Variants in STK33 observed in about 807,000 individuals in gnomAD.
The protein encoded by STK33 is serine/threonine-protein kinase 33.
A neutral mutation model predicts 58.0 loss-of-function variants in STK33; 52 were observed. That is an observed-to-expected ratio of 0.90 (90% confidence interval 0.72 to 1.13). STK33 has a LOEUF of 1.13. Among genes scored for constraint, STK33 ranks in the 50% most tolerant of loss-of-function variants. The pLI is 0.00. For synonymous variants in STK33, 215 were observed against 200.1 expected (o/e 1.07, Z -0.63); for missense variants, 630 against 604.2 (o/e 1.04, Z -0.45).
intron 15 of STK33, 145 bp from the exon 16 acceptor site, chr11:8,392,855 A>G (rs1249449455): frequency 1.4e-6 from 1 of 719,032 alleles, no homozygotes; most frequent in East Asian, 2.7e-5. Flanking sequence ...TTGTAAAATT[A>G]TTATTAAATG....
At chr11:8,463,564 G>C (rs1322452064) in intron 7 of STK33, among the ~76,000 whole-genome samples, 1 of 152,116 alleles carries the variant, frequency 6.6e-6, no homozygotes, top group Non-Finnish European at 1.5e-5. Flanking sequence ...TGTGAGGAGT[G>C]AATTTTTGTC....
intron 15 of STK33, among the ~76,000 whole-genome samples, chr11:8,397,670 A>T (rs1849597937): frequency 6.6e-6 from 1 of 152,208 alleles, no homozygotes; most frequent in African/African-American, 2.4e-5. Context: ...TCCGAGCTAA[A>T]GGAGGAAGTC....
At chr11:8,492,870 G>A (rs1591464771) in intron 1 of STK33, among the ~76,000 whole-genome samples, 1 of 152,114 alleles carries the variant, frequency 6.6e-6, no homozygotes, top group East Asian at 1.9e-4. Context: ...CGAAATGAAG[G>A]CAGAAATAAA....
At chr11:8,377,740 G>T in the STK33 span, among the ~76,000 whole-genome samples, 2 of 152,170 alleles carry the variant, frequency 1.3e-5, no homozygotes, top group African/African-American at 4.8e-5. Flanking sequence ...AAGATTCCAA[G>T]ATTTGATAAA....
intron 1 of STK33, among the ~76,000 whole-genome samples, chr11:8,553,440 T>C (rs531598948): frequency 6.6e-6 from 1 of 151,912 alleles, no homozygotes; most frequent in Non-Finnish European, 1.5e-5. Context: ...TTACAACACC[T>C]ACAATGTTGC....
At chr11:8,484,039 AGTC>A (rs1950034264) in intron 1 of STK33, among the ~76,000 whole-genome samples, 1 of 152,242 alleles carries the variant, frequency 6.6e-6, no homozygotes. Flanking sequence ...AAATCTCAAA[AGTC>A]TTCTGAGACA....
chr11:8,489,902 T>A (rs764403135), intron 1 of STK33, among the ~76,000 whole-genome samples: 2 of 152,026 alleles, frequency 1.3e-5, no homozygotes, highest in Non-Finnish European at 2.9e-5. Context: ...TTAGCTAGTT[T>A]GAGGGACAAA....
At chr11:8,466,936 C>T (rs1948257211) in intron 6 of STK33, 1 of 152,292 alleles carries the variant, frequency 6.6e-6, no homozygotes, top group Non-Finnish European at 1.5e-5. Flanking sequence ...GAGGCTTGCA[C>T]CCTCTGAGGC....
the STK33 span, among the ~76,000 whole-genome samples, chr11:8,373,692 C>T: frequency 1.3e-5 from 2 of 152,200 alleles, no homozygotes; most frequent in African/African-American, 4.8e-5. Flanking sequence ...TAAGCAGACC[C>T]TCTTCACAGC....
chr11:8,413,764 G>A lies in STK33; in HGVS notation c.1147-72C>T, dbSNP rs148092034. Reference sequence around the variant, plus strand: ...TGAGACGATACCTACATCATTTAGCGAGACAGTCTCCCAAATTCAGTAATA... The same window carrying A: ...TGAGACGATACCTACATCATTTAGCAAGACAGTCTCCCAAATTCAGTAATA... On this transcript the variant is annotated intron_variant, in intron 14 of 15. Coordinates refer to ENST00000687296, the MANE Select transcript of STK33 (RefSeq NM_001352389.2). The A allele has an allele frequency of 8.1e-5, 110 of 1,350,308 alleles. No homozygotes were observed. The African/African-American group carries it at 1.2e-3, about 14-fold the overall frequency. The allele number at this position is 1,350,308 out of a possible 1,614,324, so 83.6% of individuals were successfully genotyped here.
At chr11:8,533,233 G>A (rs899969834) in intron 1 of STK33, 3 of 152,060 alleles carry the variant, frequency 2.0e-5, no homozygotes, top group African/African-American at 7.2e-5. Flanking sequence ...TATATCAACA[G>A]CAGAAATTAC....
At chr11:8,431,259 G>A (rs918098256) in intron 14 of STK33, among the ~76,000 whole-genome samples, 5 of 152,030 alleles carry the variant, frequency 3.3e-5, no homozygotes, top group African/African-American at 1.2e-4. Context: ...ACTACATATA[G>A]TAAAATAAAG....
intron 1 of STK33, among the ~76,000 whole-genome samples, chr11:8,584,925 A>ATT (rs11331618): frequency 1.1e-4 from 15 of 139,804 alleles, no homozygotes; most frequent in Middle Eastern, 3.7e-3. Context: ...AAAGAAAATG[A>ATT]TTTTTTTTTT....
chr11:8,556,895 T>C (rs1057370155), intron 1 of STK33, among the ~76,000 whole-genome samples: 1 of 152,136 alleles, frequency 6.6e-6, no homozygotes, highest in African/African-American at 2.4e-5. Flanking sequence ...ACCATAGTAA[T>C]GCCCCTCTTT....
At chr11:8,553,874 G>C (rs1448842904) in intron 1 of STK33, among the ~76,000 whole-genome samples, 3 of 152,044 alleles carry the variant, frequency 2.0e-5, no homozygotes, top group African/African-American at 7.2e-5. Flanking sequence ...CAGAGGTTAA[G>C]CTCCATGACA....
the STK33 span, among the ~76,000 whole-genome samples, chr11:8,354,923 G>A: frequency 3.3e-5 from 5 of 152,262 alleles, no homozygotes; most frequent in Non-Finnish European, 7.3e-5. Context: ...ACTTCATGCC[G>A]AGAGAGAAGC....
chr11:8,536,953 A>T (rs1293895415), intron 1 of STK33, among the ~76,000 whole-genome samples: 12,400 of 113,960 alleles, frequency 0.11, 1,470 homozygotes, highest in African/African-American at 0.2. Context: ...AGCTAATTAA[A>T]AAAAAAAAAA....
intron 8 of STK33, among the ~76,000 whole-genome samples, chr11:8,458,391 G>C (rs1055108784): frequency 6.7e-6 from 1 of 150,044 alleles, no homozygotes. Flanking sequence ...GCAACCATTT[G>C]GAAATGCAGA....
the STK33 span, among the ~76,000 whole-genome samples, chr11:8,371,601 TTCTC>T: frequency 6.6e-6 from 1 of 151,124 alleles, no homozygotes; most frequent in Non-Finnish European, 1.5e-5. Flanking sequence ...GACTTTTCCT[TTCTC>T]TTTCTTTCTC....
Sources: gnomAD v4.1 joint callset for allele counts (sites outside exome capture counted in the v4.1 genomes callset) on GRCh38, gnomAD v4.1.1 for gene constraint, MANE v1.5 for transcripts, NCBI Gene and HGNC (gene_info 2026-07-23, HGNC 2026-07-21) for gene names.